The following SNX24 variants were observed in gnomAD, a reference collection of about 807,000 sequenced individuals.
The protein encoded by SNX24 is sorting nexin-24.
A neutral mutation model predicts 28.7 loss-of-function variants in SNX24; 22 were observed. The ratio of observed to expected loss-of-function variants is 0.77; its 90% confidence interval spans 0.55 to 1.10. The LOEUF is 1.10. SNX24 is among the 50% of genes least tolerant of loss of function. SNX24 has a pLI of 0.00. For missense variants in SNX24, 221 were observed against 201.1 expected (o/e 1.10, Z -0.60); for synonymous variants, 69 against 71.5 (o/e 0.96, Z 0.18).
Position 122,845,702 on chromosome 5 carries a change from G to T in SNX24, c.60+9G>T. 2 of 1,377,532 alleles carry T rather than the reference G, an allele frequency of 1.5e-6. No homozygotes were observed. The highest frequency in any genetic ancestry group is 1.9e-6 in the Non-Finnish European group (2 of 1,054,314). 85.3% of individuals were successfully genotyped at this position (1,377,532 alleles called of 1,614,324 possible). A position where few individuals can be genotyped will look rare whatever the true frequency, so the allele number is the denominator to read the frequency against. On this transcript the variant is annotated intron_variant, in intron 1 of 6. Transcript: ENST00000261369. ...TGGAGCGGGGATACACGGTAGGCGC[G>T]GGCCGCGGGCGGACAGGGCCCCGCG...
chr5:122,979,119 C>A lies in SNX24; in HGVS notation c.250-20793C>A, dbSNP rs576944513. Among the ~76,000 whole-genome samples the A allele has an allele frequency of 5.4e-4, 82 of 152,288 alleles. 2 individuals carry two copies. In the South Asian group the frequency reaches 9.5e-3, roughly 18 times the overall value. ...CAGGTTACAATAGTAGTACCCCCAC[C>A]ATTTGCCCTCATGAACAGAGGCCGG... On this transcript the variant is annotated intron_variant, in intron 3 of 6. Coordinates refer to ENST00000261369, the MANE Select transcript of SNX24 (RefSeq NM_014035.4).
chr5:122,946,301 T>C (rs1759682718), intron 3 of SNX24, 142 bp downstream of exon 3: 1 of 494,856 alleles, frequency 2.0e-6, no homozygotes, highest in Non-Finnish European at 3.6e-6. Context: ...ATTACAGATA[T>C]GTTGTTGGTT....
At chr5:123,023,983 C>T (rs952818587) in intron 5 of SNX24, 2 of 1,613,556 alleles carry the variant, frequency 1.2e-6, no homozygotes, top group Non-Finnish European at 1.7e-6. Context: ...TTGCTTGGAG[C>T]TCTATGGAGT....
chr5:122,956,228 T>G (rs986923079), intron 3 of SNX24, among the ~76,000 whole-genome samples: 1 of 152,084 alleles, frequency 6.6e-6, no homozygotes, highest in African/African-American at 2.4e-5. Flanking sequence ...TTATATGTGG[T>G]GCCAGCCGCT....
At chr5:122,973,924 GC>G (rs1450124233) in intron 3 of SNX24, among the ~76,000 whole-genome samples, 1 of 152,182 alleles carries the variant, frequency 6.6e-6, no homozygotes, top group Non-Finnish European at 1.5e-5. Context: ...GACACCTCAA[GC>G]ACCATTGGAT....
chr5:123,003,957 T>TAG (rs1762333102), intron 6 of SNX24, among the ~76,000 whole-genome samples: 1 of 152,216 alleles, frequency 6.6e-6, no homozygotes, highest in African/African-American at 2.4e-5. Flanking sequence ...TCTTGTGATC[T>TAG]TAGAAGTGTT....
At chr5:122,895,728 C>T (rs1757171509) in intron 1 of SNX24, among the ~76,000 whole-genome samples, 1 of 152,204 alleles carries the variant, frequency 6.6e-6, no homozygotes, top group Non-Finnish European at 1.5e-5. Flanking sequence ...CCTCAACTAG[C>T]CTAAGAAAAT....
At chr5:123,005,161 C>T (rs753012570) in intron 6 of SNX24, among the ~76,000 whole-genome samples, 21 of 152,174 alleles carry the variant, frequency 1.4e-4, no homozygotes, top group Non-Finnish European at 2.9e-4. Flanking sequence ...CCATCCCATT[C>T]ACTTTTTGTC....
chr5:123,002,460 G>C (rs1180285023), intron 6 of SNX24, among the ~76,000 whole-genome samples: 1 of 152,226 alleles, frequency 6.6e-6, no homozygotes, highest in Middle Eastern at 3.4e-3. Context: ...GTGAAACCCC[G>C]TCTCTACTAA....
intron 3 of SNX24, among the ~76,000 whole-genome samples, chr5:122,948,028 G>A (rs1759764906): frequency 1.3e-5 from 2 of 152,328 alleles, no homozygotes; most frequent in Admixed American, 1.3e-4. Context: ...CTTGAAAGAT[G>A]TGGTCGAAGG....
chr5:122,880,427 A>T (rs921141184), intron 1 of SNX24, among the ~76,000 whole-genome samples: 2 of 152,206 alleles, frequency 1.3e-5, no homozygotes, highest in African/African-American at 4.8e-5. Flanking sequence ...CATGCCCTTT[A>T]TCTGTTAGTC....
At chr5:122,934,089 C>T (rs943963700) in intron 1 of SNX24, among the ~76,000 whole-genome samples, 1 of 152,088 alleles carries the variant, frequency 6.6e-6, no homozygotes, top group Non-Finnish European at 1.5e-5. Flanking sequence ...AATCCCAGAG[C>T]CTAGAACAAC....
At chr5:123,018,705 G>C (rs1762720559) in intron 5 of SNX24, among the ~76,000 whole-genome samples, 1 of 150,940 alleles carries the variant, frequency 6.6e-6, no homozygotes, top group South Asian at 2.1e-4. Flanking sequence ...TTTTTCCTTT[G>C]ACACAGAGTC....
intron 1 of SNX24, among the ~76,000 whole-genome samples, chr5:122,890,170 A>T (rs1290828256): frequency 6.6e-6 from 1 of 152,150 alleles, no homozygotes; most frequent in South Asian, 2.1e-4. Context: ...GGGGTATCAC[A>T]TTCAGAGGCA....
intron 3 of SNX24, among the ~76,000 whole-genome samples, chr5:122,996,970 A>G (rs1267106407): frequency 6.6e-6 from 1 of 152,198 alleles, no homozygotes; most frequent in Non-Finnish European, 1.5e-5. Context: ...CTTCAGAGCA[A>G]AAGCCTTTCA....
intron 3 of SNX24, among the ~76,000 whole-genome samples, chr5:122,961,042 A>G (rs1484251822): frequency 1.3e-5 from 2 of 152,066 alleles, no homozygotes; most frequent in African/African-American, 4.8e-5. Context: ...TCCACCTTCC[A>G]TTTTTGTGGT....
intron 3 of SNX24, among the ~76,000 whole-genome samples, chr5:122,997,479 C>G (rs1213124657): frequency 1.3e-5 from 2 of 152,182 alleles, no homozygotes; most frequent in East Asian, 3.8e-4. Context: ...ATTCCCGTCC[C>G]TGTGTTGCAG....
At chr5:123,005,478 G>A (rs1260104447) in intron 6 of SNX24, among the ~76,000 whole-genome samples, 1 of 152,122 alleles carries the variant, frequency 6.6e-6, no homozygotes, top group Non-Finnish European at 1.5e-5. Context: ...TCCTTGCCCT[G>A]TTCTTGTCAC....
At position 122,868,465 on chromosome 5, in the gene SNX24, TTTGCTCCAAAATTCTA is replaced by T. The variant is rs769874617; in HGVS notation, c.60+22773_60+22788del. Reference sequence around the variant, plus strand: ...GGTTATTCATAGAGGTAGGCAGGGCTTTGCTCCAAAATTCTAAGAACCAGCATTGCACTTAACCTAT... The same window carrying T: ...GGTTATTCATAGAGGTAGGCAGGGCTAGAACCAGCATTGCACTTAACCTAT... On this transcript the variant is annotated intron_variant, in intron 1 of 6. Coordinates refer to ENST00000261369, the MANE Select transcript of SNX24 (RefSeq NM_014035.4). Among the ~76,000 whole-genome samples, 87 of 152,248 alleles carry T rather than the reference TTTGCTCCAAAATTCTA, an allele frequency of 5.7e-4. 1 individual carries two copies. The highest frequency in any genetic ancestry group is 7.6e-4 in the Non-Finnish European group (52 of 68,018).
Sources: allele counts gnomAD v4.1 joint callset (sites outside exome capture counted in the v4.1 genomes callset), GRCh38; gene constraint gnomAD v4.1.1; transcripts MANE v1.5; gene names NCBI Gene and HGNC (gene_info 2026-07-23, HGNC 2026-07-21).